PLXNA2: variants seen among roughly 807,000 people sequenced by gnomAD.
PLXNA2 encodes the protein plexin A2, also known as plexin-A2.
In PLXNA2, 91 loss-of-function variants were observed where a neutral mutation model predicts 193.5. The observed-to-expected ratio is 0.47, with a 90% CI of 0.40 to 0.56. The LOEUF is 0.56. Among genes scored for constraint, PLXNA2 ranks in the 20% least tolerant of loss-of-function variants. The pLI is 0.00. For missense variants in PLXNA2, 1,995 were observed against 2,503.2 expected (o/e 0.80, Z 4.33); for synonymous variants, 997 against 1,027.3 (o/e 0.97, Z 0.56).
chr1:208,244,250 C>A lies in PLXNA2; in HGVS notation c.-688G>T. 5.4e-6 allele frequency: 1 copy of A among 186,352 alleles called. No individual in the cohort carries two copies. Among genetic ancestry groups the A allele is most frequent in the Non-Finnish European group, 1.1e-5 (1 of 91,824 alleles). 11.5% of individuals were successfully genotyped at this position (186,352 alleles called of 1,614,324 possible). Reference sequence around the variant, plus strand: ...CCCAGCAACTGCCCTCCGCCGCCCTCCCGCTCCAGTCTGGCGCGGATGCCG... The same window carrying A: ...CCCAGCAACTGCCCTCCGCCGCCCTACCGCTCCAGTCTGGCGCGGATGCCG... On this transcript the variant is annotated 5_prime_UTR_variant, in exon 1 of 32. Coordinates refer to ENST00000367033, the MANE Select transcript of PLXNA2 (RefSeq NM_025179.4).
intron 3 of PLXNA2, chr1:208,209,917 G>A (rs573822586): frequency 1.3e-5 from 3 of 232,058 alleles, no homozygotes; most frequent in South Asian, 1.0e-4. Flanking sequence ...AGGGATTTGC[G>A]ATTTTGGAGA....
intron 12 of PLXNA2, among the ~76,000 whole-genome samples, chr1:208,070,299 G>A (rs895735306): frequency 6.6e-6 from 1 of 152,226 alleles, no homozygotes; most frequent in South Asian, 2.1e-4. Flanking sequence ...AGTTGGCCTT[G>A]CTGGTCACTG....
chr1:208,150,573 G>A (rs1668727679), intron 3 of PLXNA2, among the ~76,000 whole-genome samples: 1 of 152,194 alleles, frequency 6.6e-6, no homozygotes, highest in African/African-American at 2.4e-5. Context: ...AGTAAGGTCA[G>A]CGTTCAAGGG....
At chr1:208,198,517 T>C (rs552735278) in intron 3 of PLXNA2, among the ~76,000 whole-genome samples, 1 of 152,176 alleles carries the variant, frequency 6.6e-6, no homozygotes, top group African/African-American at 2.4e-5. Context: ...AGCTGGGGAC[T>C]GTGTGTGGCA....
intron 26 of PLXNA2, among the ~76,000 whole-genome samples, chr1:208,036,187 T>G (rs1664665429): frequency 6.6e-6 from 1 of 152,212 alleles, no homozygotes; most frequent in African/African-American, 2.4e-5. Context: ...TCAGGAATTC[T>G]CCTTACAACT....
intron 3 of PLXNA2, among the ~76,000 whole-genome samples, chr1:208,178,405 G>A (rs1669731446): frequency 6.6e-6 from 1 of 152,194 alleles, no homozygotes; most frequent in Admixed American, 6.5e-5. Flanking sequence ...AACTGAGGGA[G>A]GAGAGCTTGG....
At chr1:208,031,561 A>C (rs1242659098) in intron 29 of PLXNA2, 29 bp downstream of exon 29, 2 of 1,612,910 alleles carry the variant, frequency 1.2e-6, no homozygotes, top group Non-Finnish European at 1.7e-6. Flanking sequence ...TCCAGGCTGC[A>C]CCTCCTGCTG....
chr1:208,191,212 C>A (rs1572015172), intron 3 of PLXNA2, among the ~76,000 whole-genome samples: 1 of 152,222 alleles, frequency 6.6e-6, no homozygotes, highest in African/African-American at 2.4e-5. Context: ...GGAGGTCCTG[C>A]CTCACGCGGA....
rs764268283 is a variant in PLXNA2, at chr1:208,217,949, G to A, written c.-27C>T. On this transcript the variant is annotated 5_prime_UTR_variant, in exon 2 of 32. Coordinates refer to ENST00000367033, the MANE Select transcript of PLXNA2 (RefSeq NM_025179.4). The surrounding 1 kb of genome is among the most constrained non-coding windows in gnomAD (Gnocchi z 4.7). The stretch of plus-strand genomic sequence containing the variant: ...CTGAGAGGGGCGGCGGTGAGGAGAC[G>A]GCTCCTGTGTGTGCTCATCTGCTCC... 4 of 1,600,176 alleles carry A rather than the reference G, an allele frequency of 2.5e-6. No homozygotes were observed. Among genetic ancestry groups the A allele is most frequent in the Non-Finnish European group, 3.4e-6 (4 of 1,178,660 alleles).
intron 12 of PLXNA2, 116 bp from the exon 13 acceptor site, chr1:208,060,953 A>G: frequency 6.0e-6 from 5 of 839,770 alleles, no homozygotes; most frequent in Non-Finnish European, 9.2e-6. Context: ...AAATTCCTCC[A>G]CCAGGAATTC....
chr1:208,111,895 A>T (rs1366535355), intron 4 of PLXNA2, among the ~76,000 whole-genome samples: 1 of 152,240 alleles, frequency 6.6e-6, no homozygotes, highest in African/African-American at 2.4e-5. Flanking sequence ...CCAGAAAAAC[A>T]GCTGGAGGTT....
At chr1:208,145,760 T>C (rs967839036) in intron 3 of PLXNA2, among the ~76,000 whole-genome samples, 2 of 152,210 alleles carry the variant, frequency 1.3e-5, no homozygotes, top group Non-Finnish European at 2.9e-5. Flanking sequence ...AAGGTTTTTC[T>C]TTTTCCCTGT....
At chr1:208,033,869 G>A (rs921890699) in intron 27 of PLXNA2, among the ~76,000 whole-genome samples, 4 of 152,232 alleles carry the variant, frequency 2.6e-5, no homozygotes, top group Non-Finnish European at 4.4e-5. Context: ...CTAAAGAGCT[G>A]CAAGTTGTAA....
intron 3 of PLXNA2, among the ~76,000 whole-genome samples, chr1:208,189,753 A>G (rs1016612372): frequency 3.9e-5 from 6 of 152,166 alleles, no homozygotes; most frequent in Non-Finnish European, 8.8e-5. Context: ...GATTTGAACC[A>G]AGATAGTCTG....
At chr1:208,167,998 C>A (rs999879901) in intron 3 of PLXNA2, among the ~76,000 whole-genome samples, 1 of 152,218 alleles carries the variant, frequency 6.6e-6, no homozygotes, top group Non-Finnish European at 1.5e-5. Context: ...CTATATGCAG[C>A]AGCTTGATGG....
At chr1:208,151,780 G>A (rs1399297629) in intron 3 of PLXNA2, among the ~76,000 whole-genome samples, 1 of 152,194 alleles carries the variant, frequency 6.6e-6, no homozygotes, top group African/African-American at 2.4e-5. Context: ...GCTAGAAAGT[G>A]GCAGAGTGAA....
At chr1:208,031,093 CA>C in intron 29 of PLXNA2, 1 of 995,162 alleles carries the variant, frequency 1.0e-6, no homozygotes, top group South Asian at 4.4e-5. Flanking sequence ...AAGTCTATAG[CA>C]GGTGTGAACT....
intron 15 of PLXNA2, 80 bp downstream of exon 15, chr1:208,052,247 G>T: frequency 1.4e-6 from 2 of 1,426,702 alleles, no homozygotes; most frequent in Non-Finnish European, 1.9e-6. Context: ...GCAGGCCTAT[G>T]AATGAACATG....
chr1:208,038,363 C>G lies in PLXNA2; in HGVS notation c.4764+8G>C, dbSNP rs1558158181. ...AAGCTGAAGAGGGGAAAAGACACCC[C>G]CTCTCACCTGATAATGCATCAGTGT... On this transcript the variant is annotated splice_region_variant and intron_variant, in intron 26 of 31. Transcript: ENST00000367033. The surrounding 1 kb of genome is among the most constrained non-coding windows in gnomAD (Gnocchi z 4.1). 1.3e-6 allele frequency: 2 copies of G among 1,582,024 alleles called. No individual in the cohort carries two copies. Among genetic ancestry groups the G allele is most frequent in the East Asian group, 4.5e-5 (2 of 44,748 alleles).
Sources: allele counts gnomAD v4.1 joint callset (sites outside exome capture counted in the v4.1 genomes callset), GRCh38; gene constraint gnomAD v4.1.1; non-coding constraint Gnocchi (gnomAD v3.1); transcripts MANE v1.5; gene names NCBI Gene and HGNC (gene_info 2026-07-23, HGNC 2026-07-21).